PRORP: variants seen among roughly 807,000 people sequenced by gnomAD.
The protein encoded by PRORP is protein only RNase P catalytic subunit.
In PRORP, 51 loss-of-function variants were observed where a neutral mutation model predicts 59.4. The observed-to-expected ratio is 0.86, with a 90% confidence interval of 0.69 to 1.08. The LOEUF is 1.08. Ranked by LOEUF, PRORP falls within the 50% of genes least tolerant of loss-of-function variation. PRORP has a pLI of 0.00. For synonymous variants in PRORP, 231 were observed against 245.6 expected, an observed-to-expected ratio of 0.94 and a Z score of 0.55; for missense variants, 646 against 690.3, an observed-to-expected ratio of 0.94 and a Z score of 0.72.
chr14:35,209,891 T>G (rs182550189), intron 5 of PRORP, among the ~76,000 whole-genome samples: 1 of 152,322 alleles, frequency 6.6e-6, no homozygotes, highest in East Asian at 1.9e-4. Context: ...CTAGCAATGT[T>G]GGGTTATTTT....
chr14:35,192,443 G>T (rs1024195071), intron 5 of PRORP, among the ~76,000 whole-genome samples: 1 of 152,132 alleles, frequency 6.6e-6, no homozygotes, highest in Non-Finnish European at 1.5e-5. Context: ...TCTTTGCCTG[G>T]ATTGTCTTTT....
intron 5 of PRORP, among the ~76,000 whole-genome samples, chr14:35,234,278 C>G (rs2050151345): frequency 6.6e-6 from 1 of 152,226 alleles, no homozygotes; most frequent in African/African-American, 2.4e-5. Flanking sequence ...GTGTGTTTCA[C>G]ATTCATTAAC....
At chr14:35,156,518 A>C (rs1319826258) in intron 4 of PRORP, among the ~76,000 whole-genome samples, 1 of 152,204 alleles carries the variant, frequency 6.6e-6, no homozygotes, top group Non-Finnish European at 1.5e-5. Flanking sequence ...GATGTTTTGA[A>C]TTAGCAGATA....
At chr14:35,251,253 C>A (rs1255312119) in intron 5 of PRORP, among the ~76,000 whole-genome samples, 1 of 152,088 alleles carries the variant, frequency 6.6e-6, no homozygotes, top group Non-Finnish European at 1.5e-5. Context: ...TGCCACAGTT[C>A]TTTTATCCAC....
At chr14:35,177,458 T>C in intron 4 of PRORP, among the ~76,000 whole-genome samples, 1 of 152,216 alleles carries the variant, frequency 6.6e-6, no homozygotes, top group South Asian at 2.1e-4. Context: ...AACTTCTTCC[T>C]GGTTTAGTCT....
chr14:35,178,170 G>T (rs1400569120), intron 4 of PRORP, among the ~76,000 whole-genome samples: 2 of 152,068 alleles, frequency 1.3e-5, no homozygotes, highest in Non-Finnish European at 2.9e-5. Context: ...CAACTATGTG[G>T]TCAATTTTGG....
At chr14:35,239,990 G>A (rs528505538) in intron 5 of PRORP, among the ~76,000 whole-genome samples, 6 of 151,442 alleles carry the variant, frequency 4.0e-5, no homozygotes, top group South Asian at 4.2e-4. Context: ...CAGGAAAATC[G>A]CTTGAACCTG....
chr14:35,237,906 G>A (rs768169643), intron 5 of PRORP, among the ~76,000 whole-genome samples: 16 of 151,988 alleles, frequency 1.1e-4, no homozygotes, highest in South Asian at 2.1e-4. Context: ...CACCCACCTC[G>A]GCCTCCCAAA....
At chr14:35,231,305 T>C (rs2050074532) in intron 5 of PRORP, among the ~76,000 whole-genome samples, 1 of 152,266 alleles carries the variant, frequency 6.6e-6, no homozygotes, top group East Asian at 1.9e-4. Flanking sequence ...TTTAAGTATC[T>C]TGTAACACTT....
intron 4 of PRORP, among the ~76,000 whole-genome samples, chr14:35,179,944 C>G (rs545460422): frequency 3.9e-5 from 6 of 152,264 alleles, no homozygotes; most frequent in African/African-American, 1.2e-4. Flanking sequence ...GTTAATTTTC[C>G]TTCTGACAGT....
intron 5 of PRORP, among the ~76,000 whole-genome samples, chr14:35,258,235 T>A (rs892801033): frequency 1.3e-5 from 2 of 152,084 alleles, no homozygotes; most frequent in Non-Finnish European, 2.9e-5. Context: ...CAAGAGATCC[T>A]CCCACCTCAG....
chr14:35,199,721 G>A (rs2049100019), intron 5 of PRORP, among the ~76,000 whole-genome samples: 1 of 152,172 alleles, frequency 6.6e-6, no homozygotes, highest in Non-Finnish European at 1.5e-5. Flanking sequence ...AGTTTCAGGT[G>A]TTTTGTGTGA....
Position 35,122,625 on chromosome 14 carries a change from G to C in PRORP, c.-305G>C, listed in dbSNP as rs900204471. 1 of 154,452 alleles carries C rather than the reference G, an allele frequency of 6.5e-6. No homozygotes were observed. Among genetic ancestry groups the C allele is most frequent in the Admixed American group, 6.4e-5 (1 of 15,730 alleles). 9.6% of individuals were successfully genotyped at this position (154,452 alleles called of 1,614,324 possible). A position where few individuals can be genotyped will look rare whatever the true frequency, so the allele number is the denominator to read the frequency against. On this transcript the variant is annotated 5_prime_UTR_variant, in exon 1 of 8. Coordinates refer to ENST00000534898, the MANE Select transcript of PRORP (RefSeq NM_014672.4). ...TTGTTGAATGAAGTGAACTTCATTT[G>C]TCAGCGTTCGGTACGCAGTCTAGGC...
At chr14:35,167,539 T>C (rs1313557297) in intron 4 of PRORP, among the ~76,000 whole-genome samples, 1 of 152,228 alleles carries the variant, frequency 6.6e-6, no homozygotes, top group Non-Finnish European at 1.5e-5. Context: ...CCATGTTAGT[T>C]GTTAGCTTAC....
chr14:35,136,323 G>C (rs2047371331), intron 4 of PRORP, among the ~76,000 whole-genome samples: 1 of 152,038 alleles, frequency 6.6e-6, no homozygotes, highest in East Asian at 1.9e-4. Flanking sequence ...CATCTACCAA[G>C]AACAGGTATG....
At chr14:35,175,743 A>C (rs183192295) in intron 4 of PRORP, among the ~76,000 whole-genome samples, 9,163 of 151,818 alleles carry the variant, frequency 0.06, 369 homozygotes, top group Middle Eastern at 0.11. Context: ...TCTTGAGTTT[A>C]ATTAGATCCC....
chr14:35,123,166 C>A lies in PRORP; in HGVS notation c.-80C>A. On this transcript the variant is annotated 5_prime_UTR_variant, in exon 2 of 8. Coordinates refer to ENST00000534898, the MANE Select transcript of PRORP (RefSeq NM_014672.4). ...TCCACTTCGACTCTGCACCGCCGACCCCCAATCTCTTTAATTTTGCCATAG... is the reference window on the plus strand; with the variant it reads ...TCCACTTCGACTCTGCACCGCCGACACCCAATCTCTTTAATTTTGCCATAG... The A allele has an allele frequency of 7.0e-7, 1 of 1,428,910 alleles. No individual in the cohort carries two copies. Among genetic ancestry groups the A allele is most frequent in the Non-Finnish European group, 9.5e-7 (1 of 1,056,426 alleles). 88.5% of individuals were successfully genotyped at this position (1,428,910 alleles called of 1,614,324 possible). A position where few individuals can be genotyped will look rare whatever the true frequency, so the allele number is the denominator to read the frequency against.
intron 5 of PRORP, among the ~76,000 whole-genome samples, chr14:35,195,072 A>T (rs1388173547): frequency 6.6e-6 from 1 of 152,138 alleles, no homozygotes; most frequent in African/African-American, 2.4e-5. Flanking sequence ...TAGCATATGC[A>T]GTGTTTTATT....
chr14:35,215,012 A>G (rs955896288), intron 5 of PRORP, among the ~76,000 whole-genome samples: 17 of 152,118 alleles, frequency 1.1e-4, no homozygotes, highest in African/African-American at 4.1e-4. Flanking sequence ...TATTTATTGA[A>G]TAAAGAATGG....
Sources: allele counts gnomAD v4.1 joint callset (sites outside exome capture counted in the v4.1 genomes callset), GRCh38; gene constraint gnomAD v4.1.1; transcripts MANE v1.5; gene names NCBI Gene and HGNC (gene_info 2026-07-23, HGNC 2026-07-21).